The following TBC1D9 variants were observed in gnomAD, a reference collection of about 807,000 sequenced individuals.
TBC1D9 encodes TBC1 domain family member 9A.
Under a neutral mutation model 132.0 loss-of-function variants are expected in TBC1D9, and 63 were observed. That is an observed-to-expected ratio of 0.48 (90% confidence interval 0.39 to 0.59). The LOEUF (loss-of-function observed/expected upper bound fraction) is 0.59. Ranked by LOEUF, TBC1D9 falls within the 20% of genes least tolerant of loss-of-function variation. The pLI is 0.00. For missense variants in TBC1D9, 1,261 were observed against 1,592.7 expected, an observed-to-expected ratio of 0.79 and a Z score of 3.54; for synonymous variants, 610 against 609.9, an observed-to-expected ratio of 1.00 and a Z score of 0.00.
intron 13 of TBC1D9, chr4:140,644,040 T>C (rs1054348002): frequency 4.4e-6 from 2 of 457,272 alleles, no homozygotes; most frequent in African/African-American, 2.0e-5. Flanking sequence ...GATGAGCTTG[T>C]CTTCGGGCGA....
At chr4:140,643,726 G>T (rs767000967) in intron 13 of TBC1D9, 3 of 1,218,046 alleles carry the variant, frequency 2.5e-6, no homozygotes, top group South Asian at 1.4e-5. Flanking sequence ...GGTTCTGTCC[G>T]GCCCGGGGAA....
chr4:140,662,204 C>G (rs1737373312), intron 9 of TBC1D9, 97 bp from the exon 10 acceptor site: 5 of 986,132 alleles, frequency 5.1e-6, no homozygotes, highest in Non-Finnish European at 8.1e-6. Flanking sequence ...ACTTTCCTAC[C>G]TCTCAAAGGA....
In TBC1D9 at chr4:140,725,638, G is replaced by A. The variant is rs189647785; in HGVS notation, c.131-24024C>T. Among the ~76,000 whole-genome samples, 348 of 152,182 alleles carry A rather than the reference G, an allele frequency of 2.3e-3. 7 individuals are homozygous for A. Among genetic ancestry groups the A allele is most frequent in the Middle Eastern group, 3.4e-3 (1 of 294 alleles). On this transcript the variant is annotated intron_variant, in intron 1 of 20. Coordinates refer to ENST00000442267, the MANE Select transcript of TBC1D9 (RefSeq NM_015130.3). ...CCACTCTGGAAATAAGTTCCCTCTAGTAAAACCCCATATCTCGTTTGCTGG... is the reference window on the plus strand; with the variant it reads ...CCACTCTGGAAATAAGTTCCCTCTAATAAAACCCCATATCTCGTTTGCTGG...
chr4:140,643,138 C>G, intron 13 of TBC1D9: 1 of 1,432,102 alleles, frequency 7.0e-7, no homozygotes, highest in Non-Finnish European at 9.6e-7. Context: ...ACGGGCCCAT[C>G]CAGCACCTCC....
intron 1 of TBC1D9, among the ~76,000 whole-genome samples, chr4:140,705,507 T>C (rs1738136552): frequency 8.1e-6 from 1 of 123,232 alleles, no homozygotes; most frequent in African/African-American, 4.0e-5. Context: ...GTGAGGGGTG[T>C]GTGCATGTGT....
intron 13 of TBC1D9, among the ~76,000 whole-genome samples, chr4:140,654,478 G>GA (rs1000686509): frequency 1.5e-5 from 2 of 135,026 alleles, no homozygotes; most frequent in Non-Finnish European, 3.1e-5. Flanking sequence ...AAGGGGTGGG[G>GA]GGGGGTACTA....
At chr4:140,705,097 T>C (rs1240934387) in intron 1 of TBC1D9, among the ~76,000 whole-genome samples, 1 of 152,180 alleles carries the variant, frequency 6.6e-6, no homozygotes, top group East Asian at 1.9e-4. Context: ...GAAAGTAATA[T>C]TGTGAATTGA....
intron 1 of TBC1D9, among the ~76,000 whole-genome samples, chr4:140,721,131 G>A (rs574251483): frequency 3.3e-5 from 5 of 152,250 alleles, no homozygotes; most frequent in Non-Finnish European, 7.4e-5. Flanking sequence ...AGGGTGCAGC[G>A]GGGTCTGGGG....
intron 13 of TBC1D9, among the ~76,000 whole-genome samples, chr4:140,653,671 A>T (rs1388189825): frequency 2.6e-5 from 4 of 152,242 alleles, no homozygotes; most frequent in Non-Finnish European, 5.9e-5. Flanking sequence ...TGTTCTCTTT[A>T]AGTTGATCTA....
Position 140,657,103 on chromosome 4 carries a change from G to A in TBC1D9, c.2331C>T (p.Ser777=). The A allele has an allele frequency of 6.2e-7, 1 of 1,613,526 alleles. No homozygotes were observed. Among genetic ancestry groups the A allele is most frequent in the African/African-American group, 1.3e-5 (1 of 75,050 alleles). ...EVDIFRLIRT[S]YEKFGTIRAD... ...GCCAGGAGACAAGACCTACCTCGTA[G>A]GAAGTTCTGATGAGTCTAAAGATGT... The change falls in exon 13 of 21, where the codon TCC becomes TCT. Residue 777 remains serine, a synonymous_variant. Transcript: ENST00000442267.
intron 1 of TBC1D9, among the ~76,000 whole-genome samples, chr4:140,731,228 G>C (rs147120789): frequency 1.3e-5 from 2 of 152,264 alleles, no homozygotes; most frequent in Non-Finnish European, 2.9e-5. Flanking sequence ...GATGGTAAGT[G>C]CTACTTATTG....
intron 6 of TBC1D9, among the ~76,000 whole-genome samples, chr4:140,675,114 A>T (rs1375218202): frequency 6.6e-6 from 1 of 152,240 alleles, no homozygotes; most frequent in Non-Finnish European, 1.5e-5. Flanking sequence ...CATCTAAATT[A>T]TATAAATGAC....
chr4:140,628,515 C>A, intron 16 of TBC1D9, 150 bp from the exon 17 acceptor site: 1 of 693,650 alleles, frequency 1.4e-6, no homozygotes. Context: ...GGGTTAACAG[C>A]TCAGGAACCA....
chr4:140,672,471 C>T (rs1295640563), intron 6 of TBC1D9, among the ~76,000 whole-genome samples: 1 of 152,048 alleles, frequency 6.6e-6, no homozygotes. Flanking sequence ...AAAATTTTTA[C>T]TGGCTCTTTT....
intron 13 of TBC1D9, chr4:140,643,732 G>T: frequency 8.3e-7 from 1 of 1,206,510 alleles, no homozygotes; most frequent in East Asian, 2.5e-5. Flanking sequence ...GTCCGGCCCG[G>T]GGAATCCACG....
intron 13 of TBC1D9, among the ~76,000 whole-genome samples, chr4:140,650,784 C>T (rs571629845): frequency 6.6e-6 from 1 of 152,306 alleles, no homozygotes; most frequent in South Asian, 2.1e-4. Context: ...ATCCACCCGC[C>T]TTGGCCTCCC....
chr4:140,751,249 A>T (rs1371274618), intron 1 of TBC1D9, among the ~76,000 whole-genome samples: 1 of 152,196 alleles, frequency 6.6e-6, no homozygotes, highest in African/African-American at 2.4e-5. Flanking sequence ...TAAACAAAAG[A>T]CATAGACTAG....
chr4:140,633,970 G>C lies in TBC1D9; in HGVS notation c.2724C>G (p.Phe908Leu). The change falls in exon 16 of 21, where the codon TTC (phenylalanine) becomes TTG (leucine). Residue 908 changes from phenylalanine (F) to leucine (L), a missense_variant. This residue lies in a region of TBC1D9 where 618 missense variants were observed against 724.4 expected (regional missense o/e 0.85). Transcript: ENST00000442267. ...LDENGDSLINFREFVSGLSAA... is the reference protein window; with the variant it reads ...LDENGDSLINLREFVSGLSAA... ...TACTTAGCCCAGAGACAAACTCCCG[G>C]AAGTTAATCAAAGAGTCTCCATTTT... 6.2e-7 allele frequency: 1 copy of C among 1,613,950 alleles called. No individual in the cohort carries two copies. Among genetic ancestry groups the C allele is most frequent in the Non-Finnish European group, 8.5e-7 (1 of 1,179,888 alleles).
At chr4:140,715,453 G>T (rs1738320075) in intron 1 of TBC1D9, among the ~76,000 whole-genome samples, 1 of 152,174 alleles carries the variant, frequency 6.6e-6, no homozygotes, top group Non-Finnish European at 1.5e-5. Context: ...TGAATTCATA[G>T]TACCTTGAAT....
Sources: gnomAD v4.1 joint callset for allele counts (sites outside exome capture counted in the v4.1 genomes callset) on GRCh38, gnomAD v4.1.1 for gene constraint, gnomAD v4.1.1 regional missense constraint, MANE v1.5 for transcripts, NCBI Gene and HGNC (gene_info 2026-07-23, HGNC 2026-07-21) for gene names.